The following TSKU variants were observed in gnomAD, a reference collection of about 807,000 sequenced individuals.
TSKU encodes the protein tsukushi, small leucine rich proteoglycan.
Under a neutral mutation model 11.2 loss-of-function variants are expected in TSKU, and 4 were observed. The observed-to-expected ratio is 0.36, with a 90% confidence interval of 0.18 to 0.82. The LOEUF (loss-of-function observed/expected upper bound fraction) is 0.82. Ranked by LOEUF, TSKU falls within the 40% of genes least tolerant of loss-of-function variation. The pLI is 0.50. For synonymous variants in TSKU, 220 were observed against 232.2 expected, an observed-to-expected ratio of 0.95 and a Z score of 0.48; for missense variants, 407 against 482.5, an observed-to-expected ratio of 0.84 and a Z score of 1.47.
rs141466792 is a variant in TSKU, at chr11:76,789,017, C to A, written c.-9+5613C>A. 6.5e-3 allele frequency among the ~76,000 whole-genome samples: 991 copies of A among 152,268 alleles called. 5 individuals are homozygous for A. The highest frequency in any genetic ancestry group is 0.022 in the African/African-American group (919 of 41,562). ...TTGCTGGGAGCAGGCCAGGGGCAGGCGGGATGGATGCATGCAGTTCTGGCA... is the reference window on the plus strand; with the variant it reads ...TTGCTGGGAGCAGGCCAGGGGCAGGAGGGATGGATGCATGCAGTTCTGGCA... On this transcript the variant is annotated intron_variant, in intron 1 of 1. Transcript: ENST00000333090.
At chr11:76,787,907 A>G (rs777269590) in intron 1 of TSKU, among the ~76,000 whole-genome samples, 1 of 152,106 alleles carries the variant, frequency 6.6e-6, no homozygotes, top group African/African-American at 2.4e-5. Flanking sequence ...CAAAATAGGG[A>G]CAGTATCCCC....
chr11:76,794,193 C>A (rs1944411289), intron 1 of TSKU, among the ~76,000 whole-genome samples: 1 of 152,212 alleles, frequency 6.6e-6, no homozygotes, highest in Non-Finnish European at 1.5e-5. Flanking sequence ...TAGAAGCTCC[C>A]ACTGCCCAAC....
intron 1 of TSKU, among the ~76,000 whole-genome samples, chr11:76,785,817 A>G (rs1338514822): frequency 1.3e-5 from 2 of 152,130 alleles, no homozygotes; most frequent in Non-Finnish European, 1.5e-5. Flanking sequence ...ACCAATCTGG[A>G]GGGCGAGTGA....
intron 1 of TSKU, among the ~76,000 whole-genome samples, chr11:76,788,128 G>A (rs1162076698): frequency 1.3e-5 from 2 of 152,074 alleles, no homozygotes; most frequent in Non-Finnish European, 2.9e-5. Flanking sequence ...CATCCACCTG[G>A]GGATTTCCTC....
chr11:76,791,481 TCTC>T (rs1401237257), intron 1 of TSKU, among the ~76,000 whole-genome samples: 8 of 151,670 alleles, frequency 5.3e-5, no homozygotes, highest in African/African-American at 1.9e-4. Context: ...AGGCCCAGGA[TCTC>T]CATGCTGTGT....
At chr11:76,794,823 G>A (rs939063677) in intron 1 of TSKU, among the ~76,000 whole-genome samples, 1 of 152,214 alleles carries the variant, frequency 6.6e-6, no homozygotes, top group East Asian at 1.9e-4. Context: ...GACAGGGCAG[G>A]TGGAGTATGG....
chr11:76,786,642 G>A (rs1379133001), intron 1 of TSKU, among the ~76,000 whole-genome samples: 2 of 152,192 alleles, frequency 1.3e-5, no homozygotes, highest in Non-Finnish European at 2.9e-5. Flanking sequence ...TCTTGAGCCT[G>A]ACCTGGACAG....
chr11:76,796,146 C>A lies in TSKU; in HGVS notation c.530C>A (p.Thr177Lys). 1 of 1,613,694 alleles carries A rather than the reference C, an allele frequency of 6.2e-7. No homozygotes were observed. Among genetic ancestry groups the A allele is most frequent in the Non-Finnish European group, 8.5e-7 (1 of 1,180,012 alleles). ...ATTCACCGCCTCGTGCCCCACCCCA[C>A]GAGGGCCGGCCTGCCTGCGCCCACC... Reference protein sequence around the residue: ...NLIHRLVPHPTRAGLPAPTIQ... With the variant: ...NLIHRLVPHPKRAGLPAPTIQ... Residue 177 changes from threonine to lysine, a missense_variant, in exon 2 of 2, where the codon ACG (threonine) becomes AAG (lysine). Thr to Lys is a moderately conservative substitution (Grantham distance 78). Transcript: ENST00000333090. This position sits in a 1 kb window ranked among gnomAD's most constrained non-coding sequence, Gnocchi z 4.1.
intron 1 of TSKU, among the ~76,000 whole-genome samples, chr11:76,791,497 A>C (rs1485915368): frequency 6.7e-6 from 1 of 148,388 alleles, no homozygotes; most frequent in Non-Finnish European, 1.5e-5. Flanking sequence ...TGCTGTGTGC[A>C]GCCTAGGGAC....
upstream of TSKU, chr11:76,782,860 T>G (rs1404098617): frequency 1.3e-5 from 2 of 151,030 alleles, no homozygotes; most frequent in East Asian, 3.9e-4. Context: ...TTTCACTCTT[T>G]AAAAAAAAAT....
At chr11:76,782,287 A>C (rs1460110907), upstream of TSKU, 1 of 151,174 alleles carries the variant, frequency 6.6e-6, no homozygotes, top group Admixed American at 6.6e-5. Context: ...TGGGTGTGTT[A>C]ACAAGTCTGG....
At chr11:76,789,407 G>T (rs1944342876) in intron 1 of TSKU, among the ~76,000 whole-genome samples, 1 of 152,222 alleles carries the variant, frequency 6.6e-6, no homozygotes, top group Non-Finnish European at 1.5e-5. Flanking sequence ...TGTGGCCAAA[G>T]CTGTTTTAGA....
intron 1 of TSKU, among the ~76,000 whole-genome samples, 195 bp downstream of exon 1, chr11:76,783,599 G>T (rs1944267441): frequency 1.3e-5 from 2 of 152,154 alleles, no homozygotes; most frequent in African/African-American, 4.8e-5. Context: ...GCCGACCCAG[G>T]GGAGAGGTCT....
At chr11:76,795,167 G>A (rs536192599) in intron 1 of TSKU, among the ~76,000 whole-genome samples, 3 of 152,276 alleles carry the variant, frequency 2.0e-5, no homozygotes, top group East Asian at 1.9e-4. Context: ...CCCCTCACCC[G>A]GGGCCCGAGG....
At chr11:76,789,427 T>C (rs1944343046) in intron 1 of TSKU, among the ~76,000 whole-genome samples, 1 of 152,198 alleles carries the variant, frequency 6.6e-6, no homozygotes, top group East Asian at 1.9e-4. Flanking sequence ...AGGTGTCTCA[T>C]AGCAGTGTGT....
At chr11:76,793,422 G>A (rs144893634) in intron 1 of TSKU, among the ~76,000 whole-genome samples, 134 of 152,352 alleles carry the variant, frequency 8.8e-4, no homozygotes, top group Admixed American at 7.1e-3. Context: ...CCCCTCTGGC[G>A]GGATAGCATT....
intron 1 of TSKU, among the ~76,000 whole-genome samples, chr11:76,787,244 A>G (rs937895988): frequency 6.6e-6 from 1 of 152,274 alleles, no homozygotes; most frequent in Non-Finnish European, 1.5e-5. Flanking sequence ...GCGCCTCCTC[A>G]TGTGTCCATG....
chr11:76,784,757 G>T (rs550900443), intron 1 of TSKU, among the ~76,000 whole-genome samples: 18 of 142,614 alleles, frequency 1.3e-4, no homozygotes, highest in South Asian at 4.5e-4. Context: ...GGGGGGGGGG[G>T]GGTGCTCAGA....
At chr11:76,794,240 A>G (rs1590820103) in intron 1 of TSKU, among the ~76,000 whole-genome samples, 1 of 152,222 alleles carries the variant, frequency 6.6e-6, no homozygotes, top group Non-Finnish European at 1.5e-5. Context: ...GAGCACCACC[A>G]TCCCAGGAGC....
Sources: allele counts gnomAD v4.1 joint callset (sites outside exome capture counted in the v4.1 genomes callset), GRCh38; gene constraint gnomAD v4.1.1; non-coding constraint Gnocchi (gnomAD v3.1); transcripts MANE v1.5; gene names NCBI Gene and HGNC (gene_info 2026-07-23, HGNC 2026-07-21).